ZNF518A: variants seen among roughly 807,000 people sequenced by gnomAD.
ZNF518A encodes the protein zinc finger protein 518A.
A neutral mutation model predicts 102.7 loss-of-function variants in ZNF518A; 47 were observed. The ratio of observed to expected loss-of-function variants is 0.46; its 90% CI spans 0.36 to 0.58. ZNF518A has a LOEUF of 0.58. ZNF518A is among the 20% of genes least tolerant of loss of function. The pLI is 0.00. For synonymous variants in ZNF518A, 652 were observed against 594.6 expected (o/e 1.10, Z -1.40); for missense variants, 1,793 against 1,699.8 (o/e 1.05, Z -0.96).
chr10:96,148,199 G>C (rs1329919341), intron 3 of ZNF518A, among the ~76,000 whole-genome samples: 4 of 152,086 alleles, frequency 2.6e-5, no homozygotes, highest in Non-Finnish European at 4.4e-5. Flanking sequence ...CAGCACTTTG[G>C]GAGGCCGAGG....
At chr10:96,154,201 G>A (rs1476299498) in intron 3 of ZNF518A, among the ~76,000 whole-genome samples, 4 of 152,262 alleles carry the variant, frequency 2.6e-5, no homozygotes, top group East Asian at 1.9e-4. Context: ...GTATGGTGGC[G>A]CATGCCTGTA....
At chr10:96,172,682 C>G (rs1226644756) in intron 1 of ZNF518A, among the ~76,000 whole-genome samples, 8 of 151,636 alleles carry the variant, frequency 5.3e-5, no homozygotes, top group Non-Finnish European at 1.0e-4. Flanking sequence ...AAGAAAATTC[C>G]TCAAAAATAA....
In ZNF518A at chr10:96,159,323, C is replaced by G; in HGVS notation, c.3001C>G (p.Arg1001Gly). The G allele has an allele frequency of 6.2e-7, 1 of 1,613,532 alleles. No individual in the cohort carries two copies. The highest frequency in any genetic ancestry group is 8.5e-7 in the Non-Finnish European group (1 of 1,179,674). The part of the protein sequence containing the change: ...SAVKTEGAPA[R>G]GTVTKEPCKT... The stretch of plus-strand genomic sequence containing the variant: ...TGTCAAAACCGAGGGTGCCCCAGCT[C>G]GTGGAACTGTGACTAAGGAGCCTTG... Residue 1001 changes from arginine to glycine, a missense_variant, in exon 6 of 6, where the codon CGT (arginine) becomes GGT (glycine). Arg to Gly is a moderately radical substitution (Grantham distance 125, BLOSUM62 -2). Coordinates refer to ENST00000316045, the MANE Select transcript of ZNF518A (RefSeq NM_001330736.2).
chr10:96,142,861 A>G (rs2082004353), intron 3 of ZNF518A, among the ~76,000 whole-genome samples: 1 of 150,442 alleles, frequency 6.6e-6, no homozygotes. Context: ...GCTGAAGTAC[A>G]GTGGCGTGAT....
rs1424736770 is a variant in ZNF518A at position 96,158,544 on chromosome 10, T to C, written c.2222T>C (p.Leu741Ser). The change falls in exon 6 of 6, where the codon TTA (leucine) becomes TCA (serine). Residue 741 changes from leucine to serine, a missense_variant. Coordinates refer to ENST00000316045, the MANE Select transcript of ZNF518A (RefSeq NM_001330736.2). ...QNLYSNENQN[L>S]ECATEKSKWE... ...CTGTACAGTAATGAAAATCAAAATT[T>C]AGAGTGTGCGACTGAAAAATCTAAA... The C allele has an allele frequency of 6.2e-7, 1 of 1,612,944 alleles. No homozygotes were observed. Among genetic ancestry groups the C allele is most frequent in the Admixed American group, 1.7e-5 (1 of 59,832 alleles).
chr10:96,137,283 A>T (rs1554874852), intron 3 of ZNF518A, among the ~76,000 whole-genome samples: 1 of 152,198 alleles, frequency 6.6e-6, no homozygotes, highest in Non-Finnish European at 1.5e-5. Context: ...TTTTTACTAG[A>T]TCATTTTAAT....
intron 3 of ZNF518A, among the ~76,000 whole-genome samples, chr10:96,146,844 G>A (rs1189795916): frequency 6.6e-6 from 1 of 152,164 alleles, no homozygotes; most frequent in Non-Finnish European, 1.5e-5. Flanking sequence ...TTGGTAGCAA[G>A]CCTAAATCTG....
Position 96,194,943 on chromosome 10 carries a change from G to T in ZNF518A, n.36-8631G>T, listed in dbSNP as rs587775700. 5.9e-5 allele frequency among the ~76,000 whole-genome samples: 9 copies of T among 151,268 alleles called. 1 individual carries two copies. The South Asian group carries it at 1.9e-3, about 32-fold the overall frequency. ...GCGCCACCATGCCCGGCTAATTTTT[G>T]TATTTTTAGTAGAGACGGGGTTTCA... On this transcript the variant is annotated intron_variant and non_coding_transcript_variant, in intron 1 of 2. Transcript: ENST00000442635.
downstream of ZNF518A, among the ~76,000 whole-genome samples, chr10:96,166,120 G>A (rs1591269887): frequency 6.6e-6 from 1 of 152,178 alleles, no homozygotes; most frequent in Non-Finnish European, 1.5e-5. Context: ...GGCGTTAGGC[G>A]TGGGGGGAGG....
chr10:96,158,531 G>A lies in ZNF518A; in HGVS notation c.2209G>A (p.Glu737Lys). The A allele has an allele frequency of 6.2e-7, 1 of 1,612,816 alleles. No individual in the cohort carries two copies. The highest frequency in any genetic ancestry group is 8.5e-7 in the Non-Finnish European group (1 of 1,179,512). Residue 737 changes from glutamate to lysine, a missense_variant, in exon 6 of 6, where the codon GAA (glutamate) becomes AAA (lysine). Physicochemically the swap from Glu to Lys is moderately conservative, Grantham distance 56. This residue lies in a region of ZNF518A where 1,741 missense variants were observed against 1,622.6 expected (regional missense o/e 1.07). Coordinates refer to ENST00000316045, the MANE Select transcript of ZNF518A (RefSeq NM_001330736.2). Reference protein sequence around the residue: ...NIDGQNLYSNENQNLECATEK... With the variant: ...NIDGQNLYSNKNQNLECATEK... ...TGATGGACAAAACCTGTACAGTAATGAAAATCAAAATTTAGAGTGTGCGAC... is the reference window on the plus strand; with the variant it reads ...TGATGGACAAAACCTGTACAGTAATAAAAATCAAAATTTAGAGTGTGCGAC...
chr10:96,189,459 G>A (rs1164228335), intron 1 of ZNF518A: 2 of 622,286 alleles, frequency 3.2e-6, no homozygotes, highest in Admixed American at 3.7e-5. Flanking sequence ...TTCCACTTTG[G>A]GAAGAGAACC....
downstream of ZNF518A, among the ~76,000 whole-genome samples, chr10:96,166,585 G>A (rs587737017): frequency 1.3e-5 from 2 of 152,036 alleles, no homozygotes; most frequent in African/African-American, 4.8e-5. Context: ...TGGCTAACAC[G>A]GTGAAACTGC....
In ZNF518A at chr10:96,159,770, C is replaced by A. The variant is rs1554886459; in HGVS notation, c.3448C>A (p.Pro1150Thr). The A allele has an allele frequency of 6.2e-7, 1 of 1,613,422 alleles. No homozygotes were observed. ...PQRILLKIFN[P>T]VLNVTAANNL... ...AAGAATATTGCTGAAAATTTTTAAC[C>A]CTGTTTTAAATGTGACTGCTGCTAA... The change falls in exon 6 of 6, where the codon CCT becomes ACT. Residue 1150 changes from proline to threonine, a missense_variant. Physicochemically the swap from Pro to Thr is conservative, Grantham distance 38 (BLOSUM62 -1). This residue lies in a region of ZNF518A where 1,741 missense variants were observed against 1,622.6 expected (regional missense o/e 1.07). Transcript: ENST00000316045.
At chr10:96,132,254 T>C (rs1192872952) in intron 1 of ZNF518A, among the ~76,000 whole-genome samples, 4 of 151,618 alleles carry the variant, frequency 2.6e-5, no homozygotes, top group Non-Finnish European at 5.9e-5. Context: ...GAAATGAGTA[T>C]TAAGGGTTAG....
intron 1 of ZNF518A, chr10:96,189,639 T>G (rs2083297757): frequency 1.4e-6 from 1 of 711,426 alleles, no homozygotes. Context: ...TTGTGCATTT[T>G]TGGCTGGAGT....
At chr10:96,203,954 C>T (rs1473914461) in exon 3 of ZNF518A, 27 of 909,634 alleles carry the variant, frequency 3.0e-5, no homozygotes, top group South Asian at 1.0e-4. Context: ...GCCAGGATAA[C>T]GCAGCTGGAA....
chr10:96,159,178 T>A lies in ZNF518A; in HGVS notation c.2856T>A (p.Val952=). The A allele has an allele frequency of 6.2e-7, 1 of 1,613,800 alleles. No individual in the cohort carries two copies. The highest frequency in any genetic ancestry group is 2.2e-5 in the East Asian group (1 of 44,884). ...LNITNKPGLP[V]IPGNALPLVN... ...TTACTAACAAGCCTGGGCTACCAGT[T>A]ATTCCTGGAAATGCACTTCCATTGG... The change falls in exon 6 of 6, where the codon GTT becomes GTA. Residue 952 remains valine, a synonymous_variant. Coordinates refer to ENST00000316045, the MANE Select transcript of ZNF518A (RefSeq NM_001330736.2).
intron 3 of ZNF518A, among the ~76,000 whole-genome samples, chr10:96,137,124 A>T (rs2081636002): frequency 6.6e-6 from 1 of 152,066 alleles, no homozygotes; most frequent in African/African-American, 2.4e-5. Context: ...TAGCATCTTT[A>T]TTTATCCTCC....
At position 96,159,455 on chromosome 10, in the gene ZNF518A, T is replaced by G. The variant is rs1554886085; in HGVS notation, c.3133T>G (p.Leu1045Val). ...LSMKSSSENT[L>V]PLKGPYILKP... ...CATGAAAAGTAGCTCAGAAAATACT[T>G]TGCCATTAAAAGGCCCTTACATTTT... Residue 1045 changes from leucine to valine, a missense_variant, in exon 6 of 6, where the codon TTG (leucine) becomes GTG (valine). Leu to Val is a conservative substitution (Grantham distance 32). This residue lies in a region of ZNF518A where 1,741 missense variants were observed against 1,622.6 expected (regional missense o/e 1.07). Coordinates refer to ENST00000316045, the MANE Select transcript of ZNF518A (RefSeq NM_001330736.2). 2.5e-6 allele frequency: 4 copies of G among 1,613,822 alleles called. No individual in the cohort carries two copies. The highest frequency in any genetic ancestry group is 3.4e-6 in the Non-Finnish European group (4 of 1,179,802).
Sources: gnomAD v4.1 joint callset for allele counts (sites outside exome capture counted in the v4.1 genomes callset) on GRCh38, gnomAD v4.1.1 for gene constraint, gnomAD v4.1.1 regional missense constraint, MANE v1.5 for transcripts, NCBI Gene and HGNC (gene_info 2026-07-23, HGNC 2026-07-21) for gene names.